RPTOR: variants seen among roughly 807,000 people sequenced by gnomAD.
RPTOR encodes regulatory associated protein of MTOR complex 1, also known as regulatory-associated protein of mTOR.
Under a neutral mutation model 169.9 loss-of-function variants are expected in RPTOR, and 21 were observed. That is an observed-to-expected ratio of 0.12 (90% CI 0.09 to 0.18). The LOEUF is 0.18. Ranked by LOEUF, RPTOR falls within the 10% of genes least tolerant of loss-of-function variation. RPTOR has a pLI of 1.00. For synonymous variants in RPTOR, 732 were observed against 753.2 expected (o/e 0.97, Z 0.46); for missense variants, 1,133 against 1,855.9 (o/e 0.61, Z 7.16).
At chr17:80,706,027 G>C (rs1482108670) in intron 3 of RPTOR, among the ~76,000 whole-genome samples, 2 of 152,328 alleles carry the variant, frequency 1.3e-5, no homozygotes, top group Non-Finnish European at 1.5e-5. Flanking sequence ...TTCTTCAAGT[G>C]ATGATCATGG....
intron 3 of RPTOR, among the ~76,000 whole-genome samples, chr17:80,652,211 C>T (rs1362090821): frequency 6.6e-6 from 1 of 151,654 alleles, no homozygotes; most frequent in Non-Finnish European, 1.5e-5. Context: ...TGGCTTTTAA[C>T]ATCTTTGCAA....
intron 1 of RPTOR, among the ~76,000 whole-genome samples, chr17:80,548,501 C>T (rs2084306795): frequency 6.6e-6 from 1 of 150,552 alleles, no homozygotes; most frequent in African/African-American, 2.4e-5. Flanking sequence ...CCTGCCTCAG[C>T]CTCCCAAGTA....
rs545556682 is a variant in RPTOR, at chr17:80,767,910, C to T, written c.830+13725C>T. On this transcript the variant is annotated intron_variant, in intron 6 of 33. Transcript: ENST00000306801. ...GACAGAGTCTTGCTGTGTCGCCAGGCTGGAGTGCAGTGGTGCAATCTCAGC... is the reference window on the plus strand; with the variant it reads ...GACAGAGTCTTGCTGTGTCGCCAGGTTGGAGTGCAGTGGTGCAATCTCAGC... Among the ~76,000 whole-genome samples the T allele has an allele frequency of 1.5e-3, 225 of 152,178 alleles. 2 individuals carry two copies. Among genetic ancestry groups the T allele is most frequent in the African/African-American group, 5.3e-3 (222 of 41,516 alleles).
At chr17:80,700,737 T>TGAC (rs2066089905) in intron 3 of RPTOR, among the ~76,000 whole-genome samples, 1 of 111,736 alleles carries the variant, frequency 8.9e-6, no homozygotes, top group South Asian at 2.8e-4. Flanking sequence ...GTGATGATGG[T>TGAC]GGTGGTGGTG....
Position 80,883,947 on chromosome 17 carries a change from G to A in RPTOR, c.1817G>A (p.Ser606Asn). The change falls in exon 16 of 34, where the codon AGC (serine) becomes AAC (asparagine). Residue 606 changes from serine (S) to asparagine (N), a missense_variant. Physicochemically the swap from Ser to Asn is conservative, Grantham distance 46. Coordinates refer to ENST00000306801, the MANE Select transcript of RPTOR (RefSeq NM_020761.3). ...VRDSAHEKLY[S>N]LLSDPIPEVR... is the part of the protein sequence containing the mutation. ...GACAGCGCTCATGAGAAGCTCTACA[G>A]CCTCCTCTCCGACCCCATTCCCGAG... 1 of 1,612,664 alleles carries A rather than the reference G, an allele frequency of 6.2e-7. No homozygotes were observed. The highest frequency in any genetic ancestry group is 1.3e-5 in the African/African-American group (1 of 75,056).
Position 80,721,098 on chromosome 17 carries a change from G to T in RPTOR, c.508-9462G>T, listed in dbSNP as rs1429711661. 6.6e-6 allele frequency among the ~76,000 whole-genome samples: 1 copy of T among 150,962 alleles called. No homozygotes were observed. Among genetic ancestry groups the T allele is most frequent in the Admixed American group, 6.6e-5 (1 of 15,250 alleles). Reference sequence around the variant, plus strand: ...AGGTGAGGAGGGGCTACGTCTGCCGGGTCTCCAAGCAGGAGTGAGAACCAG... The same window carrying T: ...AGGTGAGGAGGGGCTACGTCTGCCGTGTCTCCAAGCAGGAGTGAGAACCAG... On this transcript the variant is annotated intron_variant, in intron 4 of 33. Transcript: ENST00000306801. The surrounding 1 kb of genome is among the most constrained non-coding windows in gnomAD (Gnocchi z 4.7).
At chr17:80,942,611 G>A (rs190424675) in intron 25 of RPTOR, among the ~76,000 whole-genome samples, 6 of 152,138 alleles carry the variant, frequency 3.9e-5, no homozygotes, top group East Asian at 1.9e-4. Flanking sequence ...CTCGGAATTC[G>A]GATTCGGTGC....
Position 80,582,833 on chromosome 17 carries a change from C to T in RPTOR, c.162+37042C>T, listed in dbSNP as rs182379041. ...TGCTGGGATTACAGGCGTGAGCCACCGCGCATGGCCAAATGGGCTGTTTTA... is the reference window on the plus strand; with the variant it reads ...TGCTGGGATTACAGGCGTGAGCCACTGCGCATGGCCAAATGGGCTGTTTTA... On this transcript the variant is annotated intron_variant, in intron 1 of 33. Transcript: ENST00000306801. Among the ~76,000 whole-genome samples the T allele has an allele frequency of 2.4e-3, 368 of 151,974 alleles. 1 individual carries two copies. The highest frequency in any genetic ancestry group is 7.1e-3 in the African/African-American group (294 of 41,464).
At chr17:80,870,179 A>T (rs558180452) in intron 13 of RPTOR, among the ~76,000 whole-genome samples, 1 of 152,330 alleles carries the variant, frequency 6.6e-6, no homozygotes, top group South Asian at 2.1e-4. Context: ...TGGTTATGGT[A>T]CCACCAGGGA....
intron 9 of RPTOR, among the ~76,000 whole-genome samples, chr17:80,834,633 CGA>C (rs1040697104): frequency 1.3e-5 from 2 of 152,188 alleles, no homozygotes; most frequent in Non-Finnish European, 2.9e-5. Context: ...GTCACGTGTC[CGA>C]GAGAGATTGT....
chr17:80,748,027 T>A (rs1451627220), intron 5 of RPTOR, among the ~76,000 whole-genome samples: 33 of 119,870 alleles, frequency 2.8e-4, no homozygotes, highest in South Asian at 1.3e-3. Flanking sequence ...GACTGCGGTG[T>A]GTGTTTAGAG....
intron 3 of RPTOR, among the ~76,000 whole-genome samples, chr17:80,665,654 C>T (rs1470606158): frequency 1.3e-5 from 2 of 151,530 alleles, no homozygotes; most frequent in Non-Finnish European, 2.9e-5. Context: ...ACGCCATTCT[C>T]CTACCTCAGC....
chr17:80,946,465 T>C (rs1212795778), intron 26 of RPTOR, among the ~76,000 whole-genome samples: 2 of 152,160 alleles, frequency 1.3e-5, no homozygotes, highest in African/African-American at 4.8e-5. Context: ...CAAAACTTGG[T>C]CCCCATCAGA....
At chr17:80,853,852 G>A (rs553627925) in intron 11 of RPTOR, among the ~76,000 whole-genome samples, 180 of 152,216 alleles carry the variant, frequency 1.2e-3, no homozygotes, top group Non-Finnish European at 1.9e-3. Flanking sequence ...ATGGTGGCAG[G>A]CGCTTGTAGT....
chr17:80,672,796 C>T (rs2065832259), intron 3 of RPTOR, among the ~76,000 whole-genome samples: 1 of 151,662 alleles, frequency 6.6e-6, no homozygotes, highest in Non-Finnish European at 1.5e-5. Context: ...TCTCAAAAAA[C>T]AAACAAACAG....
At chr17:80,623,347 A>G (rs1013443268) in intron 1 of RPTOR, among the ~76,000 whole-genome samples, 1 of 152,224 alleles carries the variant, frequency 6.6e-6, no homozygotes, top group Non-Finnish European at 1.5e-5. Flanking sequence ...TTTTTCTTAT[A>G]TATCAGCAAT....
At chr17:80,810,085 AAATAAAT>A (rs1366543865) in intron 7 of RPTOR, among the ~76,000 whole-genome samples, 3 of 130,128 alleles carry the variant, frequency 2.3e-5, no homozygotes, top group African/African-American at 8.7e-5. Context: ...ATAAATAAAT[AAATAAAT>A]AAAACAGTCT....
At chr17:80,703,213 G>A (rs959753334) in intron 3 of RPTOR, among the ~76,000 whole-genome samples, 2 of 152,320 alleles carry the variant, frequency 1.3e-5, no homozygotes, top group South Asian at 2.1e-4. Flanking sequence ...CCGAAATCTC[G>A]AGTTTAGTTG....
chr17:80,878,758 A>G lies in RPTOR; in HGVS notation c.1510-1657A>G, dbSNP rs1285322520. On this transcript the variant is annotated intron_variant, in intron 13 of 33. Transcript: ENST00000306801. The surrounding 1 kb of genome is among the most constrained non-coding windows in gnomAD (Gnocchi z 4.1). ...CCCCTTTTCCTCGGGTTTTGGGCAA[A>G]TACTTCCCGAAGTATTATCGTTACC... Among the ~76,000 whole-genome samples, 2 of 152,146 alleles carry G rather than the reference A, an allele frequency of 1.3e-5. No homozygotes were observed. The highest frequency in any genetic ancestry group is 4.8e-5 in the African/African-American group (2 of 41,424).
Sources: gnomAD v4.1 joint callset for allele counts (sites outside exome capture counted in the v4.1 genomes callset) on GRCh38, gnomAD v4.1.1 for gene constraint, Gnocchi (gnomAD v3.1) non-coding constraint, MANE v1.5 for transcripts, NCBI Gene and HGNC (gene_info 2026-07-23, HGNC 2026-07-21) for gene names.